The following SLC12A8 variants were observed in gnomAD, a reference collection of about 807,000 sequenced individuals.
SLC12A8 encodes the protein solute carrier family 12 member 8.
Under a neutral mutation model 75.6 loss-of-function variants are expected in SLC12A8, and 69 were observed. The ratio of observed to expected loss-of-function variants is 0.91; its 90% CI spans 0.75 to 1.11. The LOEUF (loss-of-function observed/expected upper bound fraction) is 1.11, where lower values mean the gene tolerates loss of function less well. SLC12A8 is among the 50% of genes most tolerant of loss of function. The probability of loss-of-function intolerance (pLI) is 0.00; values close to 1 mark genes in which losing one functional copy is unlikely to be tolerated. For missense variants in SLC12A8, 877 were observed against 896.7 expected (o/e 0.98, Z 0.28); for synonymous variants, 365 against 372.8 (o/e 0.98, Z 0.24).
chr3:125,108,229 C>T (rs777438510), intron 9 of SLC12A8, 103 bp from the exon 10 acceptor site: 9 of 1,108,648 alleles, frequency 8.1e-6, no homozygotes, highest in Non-Finnish European at 1.2e-5. Context: ...ATGACTCAGC[C>T]ACTTCTCCCC....
intron 6 of SLC12A8, chr3:125,126,001 C>T: frequency 1.2e-6 from 1 of 854,156 alleles, no homozygotes; most frequent in South Asian, 5.4e-5. Flanking sequence ...GTTTTAAACG[C>T]CAATTCCAGG....
intron 5 of SLC12A8, among the ~76,000 whole-genome samples, chr3:125,153,399 G>T (rs1226771033): frequency 6.6e-6 from 1 of 152,204 alleles, no homozygotes; most frequent in East Asian, 1.9e-4. Context: ...GCTACCACCA[G>T]TGCTTCTTTC....
intron 5 of SLC12A8, among the ~76,000 whole-genome samples, chr3:125,143,268 TAA>T (rs1309849971): frequency 6.6e-6 from 1 of 152,256 alleles, no homozygotes; most frequent in African/African-American, 2.4e-5. Context: ...TGGTGTTCAA[TAA>T]AAGTGTTTTG....
At chr3:125,091,690 A>G in intron 11 of SLC12A8, 134 bp from the exon 12 acceptor site, 1 of 631,946 alleles carries the variant, frequency 1.6e-6, no homozygotes, top group Non-Finnish European at 2.8e-6. Context: ...GAATAATTGA[A>G]GTTTATGAAG....
rs751894570 is a variant in SLC12A8, at chr3:125,203,799, C to A, written c.51+7500G>T. On this transcript the variant is annotated intron_variant, in intron 2 of 13. Transcript: ENST00000469902. ...AGGAAACAGTAGAGTGAAAAGACAA[C>A]CTGTAGAATGGGATAAAATATTTGC... Among the ~76,000 whole-genome samples, 7 of 152,284 alleles carry A rather than the reference C, an allele frequency of 4.6e-5. No individual in the cohort carries two copies. The South Asian group carries it at 6.2e-4, about 14-fold the overall frequency.
rs200980342 is a variant in SLC12A8 at position 125,198,256 on chromosome 3, T to TAAA, written c.52-7738_52-7736dup. Among the ~76,000 whole-genome samples, 527 of 130,624 alleles carry TAAA rather than the reference T, an allele frequency of 4.0e-3. 12 individuals carry two copies. The highest frequency in any genetic ancestry group is 0.034 in the South Asian group (130 of 3,874). 85.7% of individuals were successfully genotyped at this position (130,624 alleles called of 152,430 possible). A position where few individuals can be genotyped will look rare whatever the true frequency, so the allele number is the denominator to read the frequency against. ...TACAAAATAACCAACATGTGTTCTT[T>TAAA]AAAAAAAAAAAAACAAAACAGTCAA... On this transcript the variant is annotated intron_variant, in intron 2 of 13. Coordinates refer to ENST00000469902, the MANE Select transcript of SLC12A8 (RefSeq NM_024628.6).
Position 125,187,417 on chromosome 3 carries a change from T to C in SLC12A8, c.210A>G (p.Gly70=). 1 of 1,613,996 alleles carries C rather than the reference T, an allele frequency of 6.2e-7. No homozygotes were observed. Among genetic ancestry groups the C allele is most frequent in the Non-Finnish European group, 8.5e-7 (1 of 1,179,958 alleles). The change falls in exon 4 of 14, where the codon GGA becomes GGG. Residue 70 remains glycine, a synonymous_variant. Coordinates refer to ENST00000469902, the MANE Select transcript of SLC12A8 (RefSeq NM_024628.6). ...LRTGWLVGNT[G]VLLGMFLVSF... ...ACACCAGGAACATGCCCAGGAGCAC[T>C]CCTGTGTTTCCCTGCAGCAGAATAG...
intron 5 of SLC12A8, among the ~76,000 whole-genome samples, chr3:125,142,804 C>T (rs986330358): frequency 6.6e-6 from 1 of 152,190 alleles, no homozygotes; most frequent in Non-Finnish European, 1.5e-5. Context: ...CTGAAGTCTT[C>T]CCAGCCAGAA....
Position 125,083,991 on chromosome 3 carries a change from C to T in SLC12A8, c.2044G>A (p.Glu682Lys), listed in dbSNP as rs373256263. ...LAPSLAKVDM[E>K]MTQLTQENAD... Reference sequence around the variant, plus strand: ...TTCTCCTGGGTGAGCTGAGTCATCTCCATGTCAACCTTAGCCAGGGACGGC... The same window carrying T: ...TTCTCCTGGGTGAGCTGAGTCATCTTCATGTCAACCTTAGCCAGGGACGGC... The change falls in exon 14 of 14, where the codon GAG (glutamate) becomes AAG (lysine). Residue 682 changes from glutamate to lysine, a missense_variant. By Grantham distance (56) the Glu-to-Lys change is moderately conservative. Coordinates refer to ENST00000469902, the MANE Select transcript of SLC12A8 (RefSeq NM_024628.6). The T allele has an allele frequency of 6.2e-7, 1 of 1,613,534 alleles. No homozygotes were observed.
intron 10 of SLC12A8, among the ~76,000 whole-genome samples, chr3:125,103,286 C>G (rs146375172): frequency 3.9e-5 from 6 of 152,174 alleles, no homozygotes; most frequent in Admixed American, 1.3e-4. Flanking sequence ...TTAAAGAACT[C>G]TCCTCCAGAG....
intron 9 of SLC12A8, among the ~76,000 whole-genome samples, chr3:125,108,476 C>T (rs1008587800): frequency 3.9e-5 from 6 of 152,076 alleles, no homozygotes; most frequent in African/African-American, 1.4e-4. Flanking sequence ...TTAAGCCATC[C>T]TCCCACCTCA....
intron 5 of SLC12A8, among the ~76,000 whole-genome samples, chr3:125,149,431 C>T (rs1933865699): frequency 6.6e-6 from 1 of 152,162 alleles, no homozygotes; most frequent in South Asian, 2.1e-4. Flanking sequence ...AAGAGGGAGG[C>T]CTAAGGCATG....
chr3:125,141,651 C>T (rs1427238078), intron 5 of SLC12A8, among the ~76,000 whole-genome samples: 1 of 152,058 alleles, frequency 6.6e-6, no homozygotes, highest in African/African-American at 2.4e-5. Flanking sequence ...AGCGAGATTT[C>T]TAAAAATGAT....
In SLC12A8 at chr3:125,127,228, A is replaced by C. The variant is rs144584732; in HGVS notation, c.737-6542T>G. On this transcript the variant is annotated intron_variant, in intron 6 of 13. Coordinates refer to ENST00000469902, the MANE Select transcript of SLC12A8 (RefSeq NM_024628.6). ...GGTTTGTTCAGCTGTTCCTGCAGAA[A>C]TCTCTAAACCTGTCTTGCTCTGTTC... Among the ~76,000 whole-genome samples, 101 of 152,312 alleles carry C rather than the reference A, an allele frequency of 6.6e-4. 1 individual carries two copies. In the East Asian group the frequency reaches 0.018, roughly 27 times the overall value.
At chr3:125,144,019 A>C (rs1038684752) in intron 5 of SLC12A8, among the ~76,000 whole-genome samples, 5 of 152,254 alleles carry the variant, frequency 3.3e-5, no homozygotes, top group African/African-American at 1.2e-4. Context: ...TAAATGCTTA[A>C]TGAACCTTTT....
chr3:125,208,411 C>T (rs1935266624), intron 2 of SLC12A8, among the ~76,000 whole-genome samples: 1 of 152,160 alleles, frequency 6.6e-6, no homozygotes, highest in African/African-American at 2.4e-5. Context: ...TCATTTATAC[C>T]ACTACCCCCT....
At chr3:125,206,306 T>C (rs563123248) in intron 2 of SLC12A8, among the ~76,000 whole-genome samples, 1 of 152,342 alleles carries the variant, frequency 6.6e-6, no homozygotes, top group African/African-American at 2.4e-5. Flanking sequence ...CCAGTAGCCT[T>C]GCTTCTAACC....
intron 5 of SLC12A8, among the ~76,000 whole-genome samples, chr3:125,149,123 C>T (rs563400513): frequency 1.2e-3 from 177 of 152,320 alleles, no homozygotes; most frequent in African/African-American, 3.9e-3. Context: ...CATCCATACC[C>T]GGAACGCCCA....
chr3:125,211,288 C>T lies in SLC12A8; in HGVS notation c.51+11G>A, dbSNP rs760308153. 1.9e-6 allele frequency: 3 copies of T among 1,612,812 alleles called. No individual in the cohort carries two copies. The highest frequency in any genetic ancestry group is 2.5e-6 in the Non-Finnish European group (3 of 1,179,484). Reference sequence around the variant, plus strand: ...GCCTCCATCACAGACCCTGGCACATCCTGAGCCTACCTGCTGGGCTGCCTC... The same window carrying T: ...GCCTCCATCACAGACCCTGGCACATTCTGAGCCTACCTGCTGGGCTGCCTC... On this transcript the variant is annotated intron_variant, in intron 2 of 13. Coordinates refer to ENST00000469902, the MANE Select transcript of SLC12A8 (RefSeq NM_024628.6).
Sources: allele counts gnomAD v4.1 joint callset (sites outside exome capture counted in the v4.1 genomes callset), GRCh38; gene constraint gnomAD v4.1.1; transcripts MANE v1.5; gene names NCBI Gene and HGNC (gene_info 2026-07-23, HGNC 2026-07-21).